AGMO: variants seen among roughly 807,000 people sequenced by gnomAD.
The protein encoded by AGMO is alkylglycerol monooxygenase.
In AGMO, 75 loss-of-function variants were observed where a neutral mutation model predicts 60.2. The observed-to-expected ratio is 1.25, with a 90% confidence interval of 1.03 to 1.51. The LOEUF (loss-of-function observed/expected upper bound fraction) is 1.51. Among genes scored for constraint, AGMO ranks in the 40% most tolerant of loss-of-function variants. The pLI, the probability that AGMO is intolerant of heterozygous loss-of-function variation, is 0.00. For synonymous variants in AGMO, 261 were observed against 177.1 expected (o/e 1.47, Z -3.76); for missense variants, 763 against 525.5 (o/e 1.45, Z -4.42).
intron 9 of AGMO, among the ~76,000 whole-genome samples, chr7:15,387,141 G>C (rs1254508086): frequency 6.6e-6 from 1 of 152,164 alleles, no homozygotes; most frequent in African/African-American, 2.4e-5. Context: ...AAGCGTTCAA[G>C]TCGATATGAA....
intron 12 of AGMO, among the ~76,000 whole-genome samples, chr7:15,223,846 CTT>C (rs1217307245): frequency 3.3e-5 from 5 of 151,654 alleles, no homozygotes; most frequent in African/African-American, 1.2e-4. Context: ...TTAATTAATC[CTT>C]GACAAAATTT....
At chr7:15,399,398 TTAGTTATA>T (rs2128489140) in intron 5 of AGMO, among the ~76,000 whole-genome samples, 2 of 152,322 alleles carry the variant, frequency 1.3e-5, no homozygotes, top group South Asian at 4.1e-4. Context: ...TTTGCCTTTC[TTAGTTATA>T]TTGTGTTGTC....
chr7:15,170,101 A>G, the AGMO span, among the ~76,000 whole-genome samples: 1 of 152,224 alleles, frequency 6.6e-6, no homozygotes, highest in Non-Finnish European at 1.5e-5. Context: ...TAAACAAGAA[A>G]GCAGGTTGTC....
chr7:15,476,627 T>A (rs1331507321), intron 3 of AGMO, among the ~76,000 whole-genome samples: 1 of 152,120 alleles, frequency 6.6e-6, no homozygotes, highest in Non-Finnish European at 1.5e-5. Context: ...TTCTGTTTAA[T>A]TTGCAGTCTC....
intron 9 of AGMO, among the ~76,000 whole-genome samples, chr7:15,386,974 A>G (rs1192796712): frequency 6.6e-6 from 1 of 152,196 alleles, no homozygotes; most frequent in East Asian, 1.9e-4. Flanking sequence ...ACACTGTCTT[A>G]ATGTGACTTT....
intron 5 of AGMO, among the ~76,000 whole-genome samples, chr7:15,395,341 T>A (rs115847716): frequency 0.011 from 1,698 of 152,248 alleles, 23 homozygotes; most frequent in African/African-American, 0.035. Flanking sequence ...TAAGACTGCT[T>A]AAAATTAAAA....
chr7:15,215,138 C>G (rs984155043), intron 12 of AGMO, among the ~76,000 whole-genome samples: 6 of 152,026 alleles, frequency 3.9e-5, no homozygotes, highest in African/African-American at 1.4e-4. Flanking sequence ...TGATCCTCTG[C>G]AATAAATCAG....
intron 2 of AGMO, among the ~76,000 whole-genome samples, chr7:15,553,158 C>G (rs1425336125): frequency 1.3e-5 from 2 of 149,344 alleles, no homozygotes; most frequent in East Asian, 4.0e-4. Flanking sequence ...ATATCACACT[C>G]TGGGGACTGT....
intron 12 of AGMO, among the ~76,000 whole-genome samples, chr7:15,225,562 A>G (rs1271666304): frequency 1.3e-5 from 2 of 151,964 alleles, no homozygotes; most frequent in African/African-American, 4.8e-5. Context: ...ACCTACATCA[A>G]TCTTGGTAAT....
chr7:15,265,657 C>A (rs537456954), intron 12 of AGMO, among the ~76,000 whole-genome samples: 2 of 151,778 alleles, frequency 1.3e-5, no homozygotes, highest in Admixed American at 6.6e-5. Flanking sequence ...CAAGCTTTTG[C>A]CAGAATATAA....
chr7:15,545,345 C>G (rs1490813238), intron 2 of AGMO, among the ~76,000 whole-genome samples: 1 of 152,010 alleles, frequency 6.6e-6, no homozygotes, highest in Non-Finnish European at 1.5e-5. Flanking sequence ...TATACATGCC[C>G]ATATTTTAAA....
intron 3 of AGMO, among the ~76,000 whole-genome samples, chr7:15,454,018 T>A (rs1342136038): frequency 2.0e-5 from 3 of 148,482 alleles, no homozygotes; most frequent in African/African-American, 7.3e-5. Flanking sequence ...ACATAAAATA[T>A]GTTTATATAT....
intron 12 of AGMO, among the ~76,000 whole-genome samples, chr7:15,231,864 G>A (rs930060255): frequency 6.6e-6 from 1 of 152,038 alleles, no homozygotes; most frequent in East Asian, 1.9e-4. Context: ...AACAGGAGTG[G>A]TCAAAGTAAC....
At chr7:15,376,284 A>C (rs1472568997) in intron 10 of AGMO, among the ~76,000 whole-genome samples, 1 of 152,088 alleles carries the variant, frequency 6.6e-6, no homozygotes, top group East Asian at 1.9e-4. Context: ...TATACCCTGG[A>C]CATTGACTTG....
rs536504020 is a variant in AGMO at position 15,394,186 on chromosome 7, A to C, written c.610-7T>G. 1 of 1,582,178 alleles carries C rather than the reference A, an allele frequency of 6.3e-7. No individual in the cohort carries two copies. The highest frequency in any genetic ancestry group is 1.1e-5 in the South Asian group (1 of 90,306). On this transcript the variant is annotated splice_polypyrimidine_tract_variant and splice_region_variant and intron_variant, in intron 5 of 12. Coordinates refer to ENST00000342526, the MANE Select transcript of AGMO (RefSeq NM_001004320.2). The stretch of plus-strand genomic sequence containing the variant: ...GACCAAGGTTATTGATGACCTGTTT[A>C]AAACAGAAGGAATATTTATACATGT...
intron 12 of AGMO, among the ~76,000 whole-genome samples, chr7:15,222,956 G>C (rs1192075997): frequency 2.6e-5 from 4 of 151,754 alleles, no homozygotes; most frequent in Non-Finnish European, 5.9e-5. Flanking sequence ...TTTCCAAAAT[G>C]TCTCAAAATA....
intron 3 of AGMO, among the ~76,000 whole-genome samples, chr7:15,461,189 G>A (rs753583575): frequency 1.2e-4 from 18 of 151,868 alleles, no homozygotes; most frequent in Admixed American, 2.0e-4. Context: ...CTGCCACCCA[G>A]TCAACTGCCT....
the AGMO span, among the ~76,000 whole-genome samples, chr7:15,131,224 C>T: frequency 3.3e-5 from 5 of 151,974 alleles, no homozygotes; most frequent in Admixed American, 6.6e-5. Flanking sequence ...TCATCATTGA[C>T]GAATAAAGCA....
chr7:15,402,062 A>T lies in AGMO; in HGVS notation c.610-7883T>A, dbSNP rs139486705. ...ACTAAGCCCAGCTTCTCATACATTT[A>T]TTATCTGATATGAAAATCTTTGTCA... On this transcript the variant is annotated intron_variant, in intron 5 of 12. Transcript: ENST00000342526. Among the ~76,000 whole-genome samples, 504 of 152,234 alleles carry T rather than the reference A, an allele frequency of 3.3e-3. 1 individual carries two copies. Among genetic ancestry groups the T allele is most frequent in the African/African-American group, 0.011 (476 of 41,556 alleles).
Sources: allele counts gnomAD v4.1 joint callset (sites outside exome capture counted in the v4.1 genomes callset), GRCh38; gene constraint gnomAD v4.1.1; transcripts MANE v1.5; gene names NCBI Gene and HGNC (gene_info 2026-07-23, HGNC 2026-07-21).